The following GALNT13 variants were observed in gnomAD, a reference collection of about 807,000 sequenced individuals.
The protein encoded by GALNT13 is UDP-GalNAc:polypeptide N-acetylgalactosaminyltransferase 13.
A neutral mutation model predicts 64.2 loss-of-function variants in GALNT13; 28 were observed. The ratio of observed to expected loss-of-function variants is 0.44; its 90% CI spans 0.32 to 0.60. The LOEUF (loss-of-function observed/expected upper bound fraction) is 0.60, where lower values mean the gene tolerates loss of function less well. Among genes scored for constraint, GALNT13 ranks in the 20% least tolerant of loss-of-function variants. GALNT13 has a pLI of 0.05. For synonymous variants in GALNT13, 214 were observed against 224.6 expected (o/e 0.95, Z 0.42); for missense variants, 577 against 669.8 (o/e 0.86, Z 1.53).
the GALNT13 span, among the ~76,000 whole-genome samples, chr2:153,463,125 A>G: frequency 6.6e-6 from 1 of 152,138 alleles, no homozygotes; most frequent in Non-Finnish European, 1.5e-5. Flanking sequence ...GTAAAGGGAA[A>G]GATGAGTGAA....
intron 6 of GALNT13, among the ~76,000 whole-genome samples, chr2:154,244,414 T>C (rs924554066): frequency 3.9e-5 from 6 of 152,312 alleles, no homozygotes; most frequent in Non-Finnish European, 8.8e-5. Flanking sequence ...AGGAGTCTTG[T>C]TGATCGCAGA....
intron 8 of GALNT13, among the ~76,000 whole-genome samples, chr2:154,291,104 G>T (rs1353224602): frequency 6.6e-6 from 1 of 152,100 alleles, no homozygotes; most frequent in Non-Finnish European, 1.5e-5. Context: ...ACCTGAGTAG[G>T]TTGCCGCGGC....
At chr2:153,957,905 A>G (rs1159127012) in intron 3 of GALNT13, among the ~76,000 whole-genome samples, 2 of 152,174 alleles carry the variant, frequency 1.3e-5, no homozygotes, top group South Asian at 2.1e-4. Flanking sequence ...ATCAAAGAAC[A>G]TGGTCAACTT....
At chr2:153,254,560 T>C in the GALNT13 span, among the ~76,000 whole-genome samples, 17 of 152,194 alleles carry the variant, frequency 1.1e-4, no homozygotes. Context: ...ATTGTGATGT[T>C]AGGGGGTCAA....
the GALNT13 span, among the ~76,000 whole-genome samples, chr2:153,612,331 T>C: frequency 1.3e-5 from 2 of 152,142 alleles, no homozygotes; most frequent in East Asian, 3.9e-4. Flanking sequence ...AGAAATCCCA[T>C]TACTGGGTAT....
At chr2:153,780,313 C>T in the GALNT13 span, among the ~76,000 whole-genome samples, 1 of 148,292 alleles carries the variant, frequency 6.7e-6, no homozygotes, top group Non-Finnish European at 1.5e-5. Flanking sequence ...TATAATTCCT[C>T]CTAAGCCTCC....
chr2:154,139,276 CATT>C (rs1487438523), intron 3 of GALNT13, among the ~76,000 whole-genome samples: 17 of 152,070 alleles, frequency 1.1e-4, no homozygotes, highest in African/African-American at 3.4e-4. Flanking sequence ...CATATTCATA[CATT>C]ATTTTAGAAT....
chr2:153,567,653 A>G, the GALNT13 span, among the ~76,000 whole-genome samples: 6 of 152,228 alleles, frequency 3.9e-5, no homozygotes, highest in Admixed American at 2.6e-4. Context: ...GTGAGATAGG[A>G]CACCAAACAG....
the GALNT13 span, among the ~76,000 whole-genome samples, chr2:153,610,321 A>T: frequency 6.6e-6 from 1 of 152,200 alleles, no homozygotes; most frequent in East Asian, 1.9e-4. Context: ...GATGCAAAAA[A>T]GGAACCTGAA....
chr2:153,519,880 T>A, the GALNT13 span, among the ~76,000 whole-genome samples: 2 of 152,116 alleles, frequency 1.3e-5, no homozygotes, highest in African/African-American at 4.8e-5. Context: ...ATCCAGAATA[T>A]CTGGAGTGTT....
chr2:154,025,576 AC>A (rs1474731865), intron 3 of GALNT13, among the ~76,000 whole-genome samples: 1 of 152,162 alleles, frequency 6.6e-6, no homozygotes, highest in Non-Finnish European at 1.5e-5. Context: ...CACTTAATTA[AC>A]CGTTGTTCTA....
At chr2:153,861,605 C>T in the GALNT13 span, among the ~76,000 whole-genome samples, 5 of 130,060 alleles carry the variant, frequency 3.8e-5, no homozygotes, top group Admixed American at 1.8e-4. Flanking sequence ...TCGCTGTTGT[C>T]GCCCAGGCTG....
At chr2:153,526,901 G>A in the GALNT13 span, among the ~76,000 whole-genome samples, 26 of 152,216 alleles carry the variant, frequency 1.7e-4, no homozygotes, top group African/African-American at 2.2e-4. Flanking sequence ...TGCATTTGGT[G>A]TAATGAAGAA....
At chr2:153,788,161 A>G in the GALNT13 span, among the ~76,000 whole-genome samples, 3 of 152,298 alleles carry the variant, frequency 2.0e-5, no homozygotes, top group African/African-American at 4.8e-5. Context: ...CAAGGTCAAA[A>G]TGAAAGAAAA....
At chr2:153,951,611 AT>A (rs774180796) in intron 3 of GALNT13, among the ~76,000 whole-genome samples, 2 of 152,090 alleles carry the variant, frequency 1.3e-5, no homozygotes, top group Non-Finnish European at 2.9e-5. Context: ...GTTTGATCCA[AT>A]TTCCTGAGAG....
intron 3 of GALNT13, among the ~76,000 whole-genome samples, chr2:154,066,381 T>A (rs1700463462): frequency 6.6e-6 from 1 of 152,044 alleles, no homozygotes; most frequent in South Asian, 2.1e-4. Flanking sequence ...ACAAAAAGGT[T>A]ATAGAACACC....
the GALNT13 span, among the ~76,000 whole-genome samples, chr2:153,232,410 T>C: frequency 6.6e-6 from 1 of 152,224 alleles, no homozygotes; most frequent in Non-Finnish European, 1.5e-5. Flanking sequence ...CTATTATTTC[T>C]TTGGTAGAAA....
chr2:153,088,388 GC>G, the GALNT13 span, among the ~76,000 whole-genome samples: 1 of 151,160 alleles, frequency 6.6e-6, no homozygotes, highest in Non-Finnish European at 1.5e-5. Context: ...ATATTATATG[GC>G]CTATCTTGGA....
At chr2:153,219,869 G>C in the GALNT13 span, among the ~76,000 whole-genome samples, 3 of 152,150 alleles carry the variant, frequency 2.0e-5, no homozygotes, top group Admixed American at 2.0e-4. Flanking sequence ...GTAGAATGTC[G>C]TATCTTCTTT....
Sources: gnomAD v4.1 joint callset for allele counts (sites outside exome capture counted in the v4.1 genomes callset) on GRCh38, gnomAD v4.1.1 for gene constraint, MANE v1.5 for transcripts, NCBI Gene and HGNC (gene_info 2026-07-23, HGNC 2026-07-21) for gene names.